TFPI: variants seen among roughly 807,000 people sequenced by gnomAD.
TFPI encodes tissue factor pathway inhibitor.
TFPI carries 15 observed loss-of-function variants against 34.6 expected under a neutral mutation model. That is an observed-to-expected ratio of 0.43 (90% CI 0.29 to 0.67). The LOEUF is 0.67. TFPI is among the 30% of genes least tolerant of loss of function. The pLI, the probability that TFPI is intolerant of heterozygous loss-of-function variation, is 0.15. For synonymous variants in TFPI, 105 were observed against 120.1 expected, an observed-to-expected ratio of 0.87 and a Z score of 0.82; for missense variants, 301 against 364.0, an observed-to-expected ratio of 0.83 and a Z score of 1.41.
chr2:187,552,884 C>G (rs1443493864), intron 1 of TFPI, among the ~76,000 whole-genome samples: 1 of 151,918 alleles, frequency 6.6e-6, no homozygotes. Flanking sequence ...TAAAGTTTTA[C>G]TCTTATTTTA....
chr2:187,506,456 C>G (rs1233490372), intron 1 of TFPI, among the ~76,000 whole-genome samples: 1 of 151,922 alleles, frequency 6.6e-6, no homozygotes, highest in Non-Finnish European at 1.5e-5. Context: ...GTTAATATAC[C>G]AAAATTGATA....
rs1230015110 is a variant in TFPI, at chr2:187,496,862, A to T, written c.319+19T>A. ...TAGCCCTAAAGGGTCTTGAGTAATA[A>T]GGGTTCCCAGAAACCTACCTCTTGT... On this transcript the variant is annotated intron_variant, in intron 3 of 7. Transcript: ENST00000233156. The T allele has an allele frequency of 5.0e-6, 8 of 1,610,916 alleles. No individual in the cohort carries two copies. The highest frequency in any genetic ancestry group is 6.8e-6 in the Non-Finnish European group (8 of 1,178,360).
At chr2:187,485,424 A>G (rs562036322) in intron 4 of TFPI, among the ~76,000 whole-genome samples, 7 of 151,768 alleles carry the variant, frequency 4.6e-5, no homozygotes, top group Non-Finnish European at 8.9e-5. Flanking sequence ...TCCATTAAGA[A>G]TGGTTTAAAT....
At chr2:187,521,894 C>T (rs1574488877) in intron 1 of TFPI, among the ~76,000 whole-genome samples, 1 of 152,004 alleles carries the variant, frequency 6.6e-6, no homozygotes, top group African/African-American at 2.4e-5. Flanking sequence ...CACATCCTTG[C>T]CAACATGTTA....
At chr2:187,553,727 T>A (rs10201169) in intron 1 of TFPI, among the ~76,000 whole-genome samples, 10,498 of 152,230 alleles carry the variant, frequency 0.069, 413 homozygotes, top group Middle Eastern at 0.17. Context: ...TAGATTACGA[T>A]TATTTTAATG....
At chr2:187,467,481 T>C (rs922584989) in intron 7 of TFPI, among the ~76,000 whole-genome samples, 3 of 152,120 alleles carry the variant, frequency 2.0e-5, no homozygotes, top group African/African-American at 7.2e-5. Context: ...AATTTTGGTA[T>C]AGTCTTTTAA....
At chr2:187,487,339 A>T (rs1045319460) in intron 4 of TFPI, among the ~76,000 whole-genome samples, 2 of 151,092 alleles carry the variant, frequency 1.3e-5, no homozygotes, top group Non-Finnish European at 3.0e-5. Flanking sequence ...TTGTAAGTAC[A>T]TTTAGTTATG....
In TFPI at chr2:187,466,915, T is replaced by G. The variant is rs377068930; in HGVS notation, c.*21A>C. On this transcript the variant is annotated 3_prime_UTR_variant, in exon 8 of 8. Transcript: ENST00000233156. ...CATATAAAATATTTAGTAGAATTAATGTTACATTGCTATAACAAATTCACA... is the reference window on the plus strand; with the variant it reads ...CATATAAAATATTTAGTAGAATTAAGGTTACATTGCTATAACAAATTCACA... 7.1e-6 allele frequency: 9 copies of G among 1,260,078 alleles called. No individual in the cohort carries two copies. The African/African-American group carries it at 1.4e-4, about 19-fold the overall frequency. 78.1% of individuals were successfully genotyped at this position (1,260,078 alleles called of 1,614,324 possible).
intron 1 of TFPI, chr2:187,518,987 C>T (rs1398226887): frequency 6.6e-6 from 1 of 152,160 alleles, no homozygotes; most frequent in African/African-American, 2.4e-5. Context: ...TGTTTTTTAG[C>T]TCCATCAGGT....
rs867294461 is a variant in TFPI, at chr2:187,466,089, T to G, written c.*847A>C. ...TGTGCAAATCCTAATGATAACTGAA[T>G]AGATTTCAGAAGGTTTAAATATTTT... On this transcript the variant is annotated 3_prime_UTR_variant, in exon 8 of 8. Transcript: ENST00000233156. The G allele has an allele frequency of 6.6e-6, 1 of 152,220 alleles. No homozygotes were observed. Among genetic ancestry groups the G allele is most frequent in the African/African-American group, 2.4e-5 (1 of 41,456 alleles). The allele number at this position is 152,220 out of a possible 1,614,324, so 9.4% of individuals were successfully genotyped here.
At chr2:187,510,258 A>T (rs766000350) in intron 1 of TFPI, among the ~76,000 whole-genome samples, 1 of 152,170 alleles carries the variant, frequency 6.6e-6, no homozygotes, top group Non-Finnish European at 1.5e-5. Context: ...CTGTTCCCTT[A>T]GTTACGCACT....
intron 1 of TFPI, among the ~76,000 whole-genome samples, chr2:187,505,389 T>C (rs1302378840): frequency 1.3e-5 from 2 of 152,072 alleles, no homozygotes; most frequent in African/African-American, 4.8e-5. Context: ...CTCTGACAAA[T>C]TTGGATCATC....
chr2:187,504,452 A>G (rs968361130), intron 1 of TFPI, among the ~76,000 whole-genome samples: 1 of 151,250 alleles, frequency 6.6e-6, no homozygotes, highest in Non-Finnish European at 1.5e-5. Context: ...AGTTTCACAG[A>G]AAAGTGACTC....
chr2:187,479,444 G>A lies in TFPI; in HGVS notation c.628+4680C>T, dbSNP rs369810253. Among the ~76,000 whole-genome samples the A allele has an allele frequency of 1.8e-3, 274 of 149,532 alleles. 1 individual carries two copies. The highest frequency in any genetic ancestry group is 6.5e-3 in the African/African-American group (263 of 40,748). On this transcript the variant is annotated intron_variant, in intron 6 of 7. Coordinates refer to ENST00000233156, the MANE Select transcript of TFPI (RefSeq NM_006287.6). Reference sequence around the variant, plus strand: ...TATACAATATCTGAGTCATATCTGAGCTTTCTGATATCTATTTATTTATCT... The same window carrying A: ...TATACAATATCTGAGTCATATCTGAACTTTCTGATATCTATTTATTTATCT...
At chr2:187,493,450 C>A (rs1319886111) in intron 3 of TFPI, among the ~76,000 whole-genome samples, 1 of 152,132 alleles carries the variant, frequency 6.6e-6, no homozygotes, top group Non-Finnish European at 1.5e-5. Flanking sequence ...GTCTCACATG[C>A]CCTAGAGATA....
At chr2:187,530,060 C>A (rs1390217483) in intron 1 of TFPI, among the ~76,000 whole-genome samples, 1 of 152,116 alleles carries the variant, frequency 6.6e-6, no homozygotes, top group Non-Finnish European at 1.5e-5. Context: ...AAGTGTTCTC[C>A]AATGAGAAAG....
At chr2:187,507,665 T>C (rs1686322126) in intron 1 of TFPI, among the ~76,000 whole-genome samples, 1 of 152,224 alleles carries the variant, frequency 6.6e-6, no homozygotes, top group Non-Finnish European at 1.5e-5. Context: ...GGGATTGTTT[T>C]TTTCTTGTAC....
At chr2:187,543,732 A>G (rs968164463) in intron 1 of TFPI, among the ~76,000 whole-genome samples, 15 of 152,194 alleles carry the variant, frequency 9.9e-5, no homozygotes, top group African/African-American at 3.6e-4. Flanking sequence ...TGGTTTAGAT[A>G]TCTCTATATG....
chr2:187,528,668 T>A (rs1687802915), intron 1 of TFPI, among the ~76,000 whole-genome samples: 1 of 152,148 alleles, frequency 6.6e-6, no homozygotes, highest in Non-Finnish European at 1.5e-5. Context: ...ATCTTTATTA[T>A]TATTGCTTTT....
Sources: gnomAD v4.1 joint callset for allele counts (sites outside exome capture counted in the v4.1 genomes callset) on GRCh38, gnomAD v4.1.1 for gene constraint, MANE v1.5 for transcripts, NCBI Gene and HGNC (gene_info 2026-07-23, HGNC 2026-07-21) for gene names.